CCDC85C: variants seen among roughly 807,000 people sequenced by gnomAD.
CCDC85C encodes the protein coiled-coil domain-containing protein 85C.
Under a neutral mutation model 38.3 loss-of-function variants are expected in CCDC85C, and 18 were observed. The observed-to-expected ratio is 0.47, with a 90% CI of 0.33 to 0.70. The LOEUF is 0.70. Ranked by LOEUF, CCDC85C falls within the 30% of genes least tolerant of loss-of-function variation. The pLI is 0.03. For synonymous variants in CCDC85C, 264 were observed against 293.8 expected, an observed-to-expected ratio of 0.90 and a Z score of 1.04; for missense variants, 566 against 621.2, an observed-to-expected ratio of 0.91 and a Z score of 0.94.
Position 99,506,756 on chromosome 14 carries a change from TG to T in CCDC85C, c.*8489del. 1 of 367,380 alleles carries T rather than the reference TG, an allele frequency of 2.7e-6. No individual in the cohort carries two copies. The highest frequency in any genetic ancestry group is 2.3e-5 in the South Asian group (1 of 43,202). 22.8% of individuals were successfully genotyped at this position (367,380 alleles called of 1,614,324 possible). On this transcript the variant is annotated 3_prime_UTR_variant, in exon 6 of 6. Coordinates refer to ENST00000380243, the MANE Select transcript of CCDC85C (RefSeq NM_001144995.2). ...GGGAGGACTCCAGATAGGTCATACA[TG>T]CTCATGAAGACGTTGCTCTGCTGGT...
intron 1 of CCDC85C, among the ~76,000 whole-genome samples, chr14:99,552,460 G>C (rs1373861970): frequency 6.6e-6 from 1 of 152,214 alleles, no homozygotes; most frequent in Non-Finnish European, 1.5e-5. Context: ...TGTGCTGGCT[G>C]AGTGTGTTGG....
At chr14:99,515,581 C>T (rs1897209651) in intron 5 of CCDC85C, among the ~76,000 whole-genome samples, 1 of 152,200 alleles carries the variant, frequency 6.6e-6, no homozygotes, top group Non-Finnish European at 1.5e-5. Context: ...GTGGGGTCCA[C>T]AGGCCCCACT....
chr14:99,549,736 T>C (rs1897873296), intron 1 of CCDC85C, among the ~76,000 whole-genome samples: 1 of 152,186 alleles, frequency 6.6e-6, no homozygotes, highest in African/African-American at 2.4e-5. Flanking sequence ...GCGTTTCACA[T>C]AAAACTAACA....
At chr14:99,602,964 C>T (rs2055218807) in intron 1 of CCDC85C, among the ~76,000 whole-genome samples, 1 of 152,172 alleles carries the variant, frequency 6.6e-6, no homozygotes, top group Non-Finnish European at 1.5e-5. Context: ...AAAAGACGCT[C>T]CACCACTGAA....
Position 99,502,001 on chromosome 14 carries a change from G to T in CCDC85C, c.*13245C>A. The T allele has an allele frequency of 2.1e-6, 1 of 476,932 alleles. No homozygotes were observed. Among genetic ancestry groups the T allele is most frequent in the Non-Finnish European group, 3.5e-6 (1 of 285,872 alleles). The allele number at this position is 476,932 out of a possible 1,614,324, so 29.5% of individuals were successfully genotyped here. A position where few individuals can be genotyped will look rare whatever the true frequency, so the allele number is the denominator to read the frequency against. Reference sequence around the variant, plus strand: ...GCTAGAATTCTTCTGATTCTTTAAGGAATAGAGAAATTACTAACTATGGTT... The same window carrying T: ...GCTAGAATTCTTCTGATTCTTTAAGTAATAGAGAAATTACTAACTATGGTT... On this transcript the variant is annotated 3_prime_UTR_variant, in exon 6 of 6. Transcript: ENST00000380243.
chr14:99,512,517 A>C lies in CCDC85C; in HGVS notation c.*2729T>G, dbSNP rs1401166200. The stretch of plus-strand genomic sequence containing the variant: ...GTCACTTTTTTCTCTTTAAACACTG[A>C]TGTGTAGCTAGTAACTTGGATAAAA... On this transcript the variant is annotated 3_prime_UTR_variant, in exon 6 of 6. Transcript: ENST00000380243. 1.3e-5 allele frequency: 2 copies of C among 152,110 alleles called. No homozygotes were observed. 9.4% of individuals were successfully genotyped at this position (152,110 alleles called of 1,614,324 possible).
chr14:99,562,047 C>T (rs1013282708), intron 1 of CCDC85C, among the ~76,000 whole-genome samples: 1 of 152,146 alleles, frequency 6.6e-6, no homozygotes, highest in Non-Finnish European at 1.5e-5. Flanking sequence ...CACCTATTCA[C>T]GGAAATGCCC....
intron 1 of CCDC85C, among the ~76,000 whole-genome samples, chr14:99,541,159 G>A (rs2139925594): frequency 6.6e-6 from 1 of 152,308 alleles, no homozygotes; most frequent in Non-Finnish European, 1.5e-5. Flanking sequence ...CCAGAAAAAT[G>A]TCTGCAGCCC....
At position 99,544,903 on chromosome 14, in the gene CCDC85C, C is replaced by T. The variant is rs1897778802; in HGVS notation, c.794-8815G>A. On this transcript the variant is annotated intron_variant, in intron 1 of 5. Transcript: ENST00000380243. The surrounding 1 kb of genome is among the most constrained non-coding windows in gnomAD (Gnocchi z 5.3). ...CCCGGAGACATGGGATCATGGGAAC[C>T]TAAAGTCCCACCTCGCGGATGCATG... 6.6e-6 allele frequency among the ~76,000 whole-genome samples: 1 copy of T among 152,166 alleles called. No homozygotes were observed. The highest frequency in any genetic ancestry group is 2.1e-4 in the South Asian group (1 of 4,828).
rs547726086 is a variant in CCDC85C at position 99,519,856 on chromosome 14, G to A, written c.975+2277C>T. ...CGAAATATCCAGAATTGGCAAATCCGTGGAAACAGAAAGCACCAACCAGTC... is the reference window on the plus strand; with the variant it reads ...CGAAATATCCAGAATTGGCAAATCCATGGAAACAGAAAGCACCAACCAGTC... On this transcript the variant is annotated intron_variant, in intron 3 of 5. Transcript: ENST00000380243. 3.9e-5 allele frequency among the ~76,000 whole-genome samples: 6 copies of A among 152,322 alleles called. No homozygotes were observed. In the South Asian group the frequency reaches 1.0e-3, roughly 26 times the overall value.
chr14:99,594,385 G>A (rs2055120924), intron 1 of CCDC85C, among the ~76,000 whole-genome samples: 1 of 152,204 alleles, frequency 6.6e-6, no homozygotes, highest in Admixed American at 6.5e-5. Flanking sequence ...TGCAGGAGGG[G>A]AGGCTGGTCT....
intron 1 of CCDC85C, among the ~76,000 whole-genome samples, chr14:99,602,350 C>T (rs2055208153): frequency 6.6e-6 from 1 of 152,164 alleles, no homozygotes; most frequent in East Asian, 1.9e-4. Context: ...GGCCAAAGTT[C>T]CTCCCACCCA....
chr14:99,503,471 A>T lies in CCDC85C; in HGVS notation c.*11775T>A. The T allele has an allele frequency of 1.5e-6, 1 of 675,794 alleles. No individual in the cohort carries two copies. The highest frequency in any genetic ancestry group is 2.6e-6 in the Non-Finnish European group (1 of 388,824). The allele number at this position is 675,794 out of a possible 1,614,324, so 41.9% of individuals were successfully genotyped here. On this transcript the variant is annotated 3_prime_UTR_variant, in exon 6 of 6. Coordinates refer to ENST00000380243, the MANE Select transcript of CCDC85C (RefSeq NM_001144995.2). ...GGTAGGTGCCGTGGTTTGCCCTGAAAGTTCAGGCTAGAAATAATTTTTGTC... is the reference window on the plus strand; with the variant it reads ...GGTAGGTGCCGTGGTTTGCCCTGAATGTTCAGGCTAGAAATAATTTTTGTC...
chr14:99,552,281 G>C (rs144310364), intron 1 of CCDC85C, among the ~76,000 whole-genome samples: 2 of 152,336 alleles, frequency 1.3e-5, no homozygotes, highest in Non-Finnish European at 2.9e-5. Context: ...CCTGCCCTAC[G>C]GCCCAAGCAT....
In CCDC85C at chr14:99,502,172, A is replaced by G. The variant is rs764774529; in HGVS notation, c.*13074T>C. On this transcript the variant is annotated 3_prime_UTR_variant, in exon 6 of 6. Coordinates refer to ENST00000380243, the MANE Select transcript of CCDC85C (RefSeq NM_001144995.2). ...CTGGTTTAATCATAAATATTAGATC[A>G]TATTATCTAACCTTTTTTTTTCTTG... is the stretch of plus-strand genomic sequence containing the variant. The G allele has an allele frequency of 1.3e-6, 2 of 1,540,790 alleles. No homozygotes were observed. Among genetic ancestry groups the G allele is most frequent in the South Asian group, 1.2e-5 (1 of 81,992 alleles).
intron 1 of CCDC85C, among the ~76,000 whole-genome samples, chr14:99,542,588 G>A (rs957188365): frequency 1.3e-5 from 2 of 152,186 alleles, no homozygotes. Flanking sequence ...GTGGCCTAGA[G>A]GCTCCGGGTA....
chr14:99,578,386 T>TTG (rs150707759), intron 1 of CCDC85C, among the ~76,000 whole-genome samples: 9 of 133,108 alleles, frequency 6.8e-5, no homozygotes, highest in African/African-American at 1.5e-4. Flanking sequence ...ATCGGTGTGT[T>TTG]TGTGTGTGTG....
chr14:99,521,995 G>A, intron 3 of CCDC85C, 138 bp downstream of exon 3: 2 of 655,578 alleles, frequency 3.1e-6, no homozygotes, highest in Non-Finnish European at 2.6e-6. Context: ...CACACTGGAT[G>A]GGACACGGAC....
chr14:99,579,905 G>A (rs2054946792), intron 1 of CCDC85C: 3 of 341,748 alleles, frequency 8.8e-6, no homozygotes, highest in Non-Finnish European at 1.8e-5. Flanking sequence ...CCAAGGCCAG[G>A]CCACCCTGCC....
Sources: gnomAD v4.1 joint callset for allele counts (sites outside exome capture counted in the v4.1 genomes callset) on GRCh38, gnomAD v4.1.1 for gene constraint, Gnocchi (gnomAD v3.1) non-coding constraint, MANE v1.5 for transcripts, NCBI Gene and HGNC (gene_info 2026-07-23, HGNC 2026-07-21) for gene names.